Variants in AGBL4 observed in about 807,000 individuals in gnomAD.
AGBL4 encodes the protein cytosolic carboxypeptidase 6.
A neutral mutation model predicts 66.4 loss-of-function variants in AGBL4; 58 were observed. That is an observed-to-expected ratio of 0.87 (90% CI 0.71 to 1.09). AGBL4 has a LOEUF of 1.09. Ranked by LOEUF, AGBL4 falls within the 50% of genes least tolerant of loss-of-function variation. The probability of loss-of-function intolerance (pLI) is 0.00; values close to 1 mark genes in which losing one functional copy is unlikely to be tolerated. For synonymous variants in AGBL4, 234 were observed against 222.9 expected, an observed-to-expected ratio of 1.05 and a Z score of -0.44; for missense variants, 579 against 631.0, an observed-to-expected ratio of 0.92 and a Z score of 0.88.
At chr1:49,298,591 G>A (rs575792614) in intron 3 of AGBL4, among the ~76,000 whole-genome samples, 2 of 152,254 alleles carry the variant, frequency 1.3e-5, no homozygotes, top group African/African-American at 4.8e-5. Context: ...CTGCCTCCCA[G>A]TGGCCCTGGA....
rs377507019 is a variant in AGBL4, at chr1:49,401,499, T to C, written c.283-155635A>G. On this transcript the variant is annotated intron_variant, in intron 3 of 13. Coordinates refer to ENST00000371839, the MANE Select transcript of AGBL4 (RefSeq NM_032785.4). ...TTGCACATGTTGAACCATCTTTGTA[T>C]ACCTGCGATAATTCCTACTTGTTCA... Among the ~76,000 whole-genome samples the C allele has an allele frequency of 1.6e-3, 240 of 152,358 alleles. 1 individual carries two copies. Among genetic ancestry groups the C allele is most frequent in the African/African-American group, 4.9e-3 (205 of 41,586 alleles).
At chr1:49,096,080 A>C (rs1404598630) in intron 4 of AGBL4, among the ~76,000 whole-genome samples, 1 of 151,952 alleles carries the variant, frequency 6.6e-6, no homozygotes, top group Admixed American at 6.6e-5. Context: ...CAACAGACAC[A>C]TGAAAAAATG....
intron 3 of AGBL4, among the ~76,000 whole-genome samples, chr1:49,453,015 T>C (rs1231039030): frequency 6.6e-6 from 1 of 151,894 alleles, no homozygotes. Flanking sequence ...AATGAATTAG[T>C]TCTTCCATTG....
At chr1:49,613,543 A>G (rs868732524) in intron 3 of AGBL4, among the ~76,000 whole-genome samples, 1 of 152,132 alleles carries the variant, frequency 6.6e-6, no homozygotes, top group Non-Finnish European at 1.5e-5. Flanking sequence ...CTGTCAGATC[A>G]GTGGCAGCAT....
At chr1:49,144,225 T>C (rs1437579343) in intron 4 of AGBL4, among the ~76,000 whole-genome samples, 2 of 152,136 alleles carry the variant, frequency 1.3e-5, no homozygotes, top group Admixed American at 6.6e-5. Flanking sequence ...TGGCTGATGA[T>C]GGCTATCAGT....
intron 3 of AGBL4, among the ~76,000 whole-genome samples, chr1:49,267,206 G>A (rs1047740479): frequency 6.6e-6 from 1 of 152,124 alleles, no homozygotes; most frequent in Non-Finnish European, 1.5e-5. Flanking sequence ...GTGTAGTTCT[G>A]AGTCAAATCA....
intron 1 of AGBL4, among the ~76,000 whole-genome samples, chr1:49,854,909 T>C (rs957902464): frequency 6.6e-6 from 1 of 152,212 alleles, no homozygotes; most frequent in African/African-American, 2.4e-5. Flanking sequence ...CAAACCTGAA[T>C]GCACCATCAG....
At chr1:48,663,314 G>A in intron 6 of AGBL4, 73 bp from the exon 7 acceptor site, 1 of 1,440,046 alleles carries the variant, frequency 6.9e-7, no homozygotes, top group Non-Finnish European at 9.8e-7. Context: ...TGTGTGGCAG[G>A]GAACCCCAGA....
intron 1 of AGBL4, among the ~76,000 whole-genome samples, chr1:49,985,222 A>T (rs1659402564): frequency 6.6e-6 from 1 of 152,160 alleles, no homozygotes; most frequent in Non-Finnish European, 1.5e-5. Flanking sequence ...AAATACCTAC[A>T]CAATGTATCC....
intron 11 of AGBL4, among the ~76,000 whole-genome samples, chr1:48,562,800 G>GC (rs1356694977): frequency 2.6e-5 from 4 of 152,196 alleles, no homozygotes; most frequent in Non-Finnish European, 5.9e-5. Flanking sequence ...AAGTCTGACT[G>GC]CAAGAGCCAT....
intron 3 of AGBL4, among the ~76,000 whole-genome samples, chr1:49,257,653 C>A (rs201208266): frequency 6.6e-6 from 1 of 152,246 alleles, no homozygotes; most frequent in African/African-American, 2.4e-5. Context: ...TGCTTTGGCT[C>A]ATGCACGGTG....
At chr1:49,890,232 A>C (rs1380692161) in intron 1 of AGBL4, among the ~76,000 whole-genome samples, 1 of 152,252 alleles carries the variant, frequency 6.6e-6, no homozygotes, top group Non-Finnish European at 1.5e-5. Context: ...ACACAGAATT[A>C]GTGAAAAGGC....
At chr1:48,923,790 A>G (rs1171607743) in intron 5 of AGBL4, among the ~76,000 whole-genome samples, 2 of 152,226 alleles carry the variant, frequency 1.3e-5, no homozygotes, top group Admixed American at 1.3e-4. Flanking sequence ...CCCAGGACCA[A>G]TGTACATTTG....
At chr1:49,212,959 T>C (rs1158707759) in intron 4 of AGBL4, among the ~76,000 whole-genome samples, 1 of 152,170 alleles carries the variant, frequency 6.6e-6, no homozygotes, top group African/African-American at 2.4e-5. Flanking sequence ...TTATTTATTA[T>C]TGAATTATTT....
chr1:49,410,258 AC>A (rs1645289487), intron 3 of AGBL4, among the ~76,000 whole-genome samples: 1 of 152,240 alleles, frequency 6.6e-6, no homozygotes, highest in African/African-American at 2.4e-5. Flanking sequence ...ACGACTAGAA[AC>A]CCGTATGCAG....
In AGBL4 at chr1:48,533,436, C is replaced by CT. The variant is rs1206565764; in HGVS notation, c.*736dup. ...AATGCCTACATCTTCAGGGGCCAGG[C>CT]TTAATCCCTGTCACCTGGGATCTGG... On this transcript the variant is annotated 3_prime_UTR_variant, in exon 14 of 14. Coordinates refer to ENST00000371839, the MANE Select transcript of AGBL4 (RefSeq NM_032785.4). 1 of 152,348 alleles carries CT rather than the reference C, an allele frequency of 6.6e-6. No homozygotes were observed. The highest frequency in any genetic ancestry group is 1.5e-5 in the Non-Finnish European group (1 of 68,170). 9.4% of individuals were successfully genotyped at this position (152,348 alleles called of 1,614,324 possible). A position where few individuals can be genotyped will look rare whatever the true frequency, so the allele number is the denominator to read the frequency against.
intron 3 of AGBL4, among the ~76,000 whole-genome samples, chr1:49,680,347 C>G (rs1646667465): frequency 6.6e-6 from 1 of 150,990 alleles, no homozygotes; most frequent in African/African-American, 2.4e-5. Context: ...TCGTGCCCAG[C>G]CAGATTCTTT....
intron 8 of AGBL4, among the ~76,000 whole-genome samples, chr1:48,651,796 A>G (rs1239376631): frequency 6.6e-6 from 1 of 152,208 alleles, no homozygotes; most frequent in African/African-American, 2.4e-5. Flanking sequence ...GGCTGTCAGG[A>G]GATCTGGTTC....
chr1:49,138,575 T>G (rs1348649570), intron 4 of AGBL4, among the ~76,000 whole-genome samples: 1 of 152,120 alleles, frequency 6.6e-6, no homozygotes, highest in African/African-American at 2.4e-5. Context: ...TAATTTTGGT[T>G]GTCAAAGGCA....
Sources: allele counts gnomAD v4.1 joint callset (sites outside exome capture counted in the v4.1 genomes callset), GRCh38; gene constraint gnomAD v4.1.1; transcripts MANE v1.5; gene names NCBI Gene and HGNC (gene_info 2026-07-23, HGNC 2026-07-21).